Variants in NRXN3 observed in about 807,000 individuals in gnomAD.
NRXN3 encodes neurexin III.
Under a neutral mutation model 137.6 loss-of-function variants are expected in NRXN3, and 32 were observed. The observed-to-expected ratio is 0.23, with a 90% CI of 0.18 to 0.31. The LOEUF (loss-of-function observed/expected upper bound fraction) is 0.31, where lower values mean the gene tolerates loss of function less well. Among genes scored for constraint, NRXN3 ranks in the 10% least tolerant of loss-of-function variants. The pLI is 1.00. For missense variants in NRXN3, 1,574 were observed against 2,062.5 expected (o/e 0.76, Z 4.59); for synonymous variants, 798 against 784.5 (o/e 1.02, Z -0.29).
chr14:79,341,452 G>T (rs145793763), intron 15 of NRXN3, among the ~76,000 whole-genome samples: 1 of 152,166 alleles, frequency 6.6e-6, no homozygotes, highest in Non-Finnish European at 1.5e-5. Flanking sequence ...CAGCTTGTTA[G>T]AAATGCAGAG....
intron 15 of NRXN3, among the ~76,000 whole-genome samples, chr14:79,345,968 A>G (rs972686703): frequency 7.2e-5 from 11 of 152,188 alleles, no homozygotes; most frequent in African/African-American, 2.2e-4. Flanking sequence ...TCCAAAATAA[A>G]TCTCAGGTCT....
intron 15 of NRXN3, among the ~76,000 whole-genome samples, chr14:79,323,085 G>A (rs1170430158): frequency 6.6e-6 from 1 of 152,200 alleles, no homozygotes; most frequent in Non-Finnish European, 1.5e-5. Context: ...CCCTGCCAGA[G>A]GGCAGTGGCG....
chr14:79,609,406 T>G (rs2098069820), intron 16 of NRXN3, among the ~76,000 whole-genome samples: 1 of 152,206 alleles, frequency 6.6e-6, no homozygotes. Flanking sequence ...TGGAGTCTGT[T>G]GAGTAGAAGT....
intron 15 of NRXN3, among the ~76,000 whole-genome samples, chr14:79,296,228 G>A (rs2084084295): frequency 6.6e-6 from 1 of 152,094 alleles, no homozygotes. Context: ...AAAAAATAGA[G>A]TGAGTGGGCT....
chr14:79,535,675 A>G (rs940475172), intron 16 of NRXN3, among the ~76,000 whole-genome samples: 1 of 152,148 alleles, frequency 6.6e-6, no homozygotes, highest in Non-Finnish European at 1.5e-5. Context: ...CAGAGCAATC[A>G]TGTGGTGAAA....
chr14:79,139,572 T>C (rs577692622), intron 15 of NRXN3, among the ~76,000 whole-genome samples: 71 of 152,156 alleles, frequency 4.7e-4, no homozygotes, highest in Non-Finnish European at 7.9e-4. Flanking sequence ...AATGAATATC[T>C]AGAAAACATC....
intron 6 of NRXN3, among the ~76,000 whole-genome samples, chr14:78,687,892 C>T (rs1056766116): frequency 1.3e-5 from 2 of 152,208 alleles, no homozygotes; most frequent in Admixed American, 1.3e-4. Context: ...AGACAAAGGA[C>T]TAGAGCCTAC....
intron 15 of NRXN3, among the ~76,000 whole-genome samples, chr14:79,252,557 G>C (rs2076074921): frequency 6.7e-6 from 1 of 150,278 alleles, no homozygotes; most frequent in South Asian, 2.2e-4. Context: ...TGTTAAAAGA[G>C]AGGATGTTTG....
chr14:78,938,848 C>CTTTTTCT (rs1292820804), intron 10 of NRXN3, among the ~76,000 whole-genome samples: 2 of 132,038 alleles, frequency 1.5e-5, no homozygotes, highest in African/African-American at 2.8e-5. Flanking sequence ...AGTGATTTTT[C>CTTTTTCT]TTTTTTTTTT....
At chr14:79,087,927 T>C (rs2048426086) in intron 15 of NRXN3, among the ~76,000 whole-genome samples, 1 of 152,112 alleles carries the variant, frequency 6.6e-6, no homozygotes, top group Non-Finnish European at 1.5e-5. Flanking sequence ...CGCCTGCTTG[T>C]TTGGGAAATA....
intron 2 of NRXN3, among the ~76,000 whole-genome samples, chr14:78,278,039 T>C (rs2073860044): frequency 6.6e-6 from 1 of 152,230 alleles, no homozygotes; most frequent in Non-Finnish European, 1.5e-5. Context: ...CACTGCTGTC[T>C]GTGATGAAGC....
chr14:79,124,731 T>C (rs1479207919), intron 15 of NRXN3, among the ~76,000 whole-genome samples: 1 of 152,166 alleles, frequency 6.6e-6, no homozygotes, highest in Non-Finnish European at 1.5e-5. Flanking sequence ...CAAGGAGAAA[T>C]ATAAGTAATA....
intron 4 of NRXN3, among the ~76,000 whole-genome samples, chr14:78,419,497 G>A (rs2093328594): frequency 6.6e-6 from 1 of 152,110 alleles, no homozygotes; most frequent in African/African-American, 2.4e-5. Flanking sequence ...GAGCCACCAT[G>A]CCTGGCCATA....
intron 1 of NRXN3, among the ~76,000 whole-genome samples, chr14:78,179,599 CT>C (rs1297309435): frequency 2.0e-5 from 3 of 152,102 alleles, no homozygotes; most frequent in Non-Finnish European, 4.4e-5. Flanking sequence ...GCCTCTTCCC[CT>C]GGCTCCAAAT....
chr14:79,743,483 C>G (rs2098969524), intron 19 of NRXN3, among the ~76,000 whole-genome samples: 1 of 152,156 alleles, frequency 6.6e-6, no homozygotes, highest in African/African-American at 2.4e-5. Flanking sequence ...TCCTTACACA[C>G]AAACTTGGGC....
chr14:79,071,153 G>A (rs560068695), intron 15 of NRXN3, among the ~76,000 whole-genome samples: 7 of 152,068 alleles, frequency 4.6e-5, no homozygotes, highest in East Asian at 1.9e-4. Context: ...GTAGCCTCTC[G>A]GTTGTGCTAT....
At chr14:79,128,865 G>C (rs1596286276) in intron 15 of NRXN3, among the ~76,000 whole-genome samples, 1 of 151,600 alleles carries the variant, frequency 6.6e-6, no homozygotes, top group Non-Finnish European at 1.5e-5. Context: ...TCCTGTTATT[G>C]GTCTATTCAG....
At chr14:79,070,918 T>C (rs1267970205) in intron 15 of NRXN3, among the ~76,000 whole-genome samples, 1 of 152,120 alleles carries the variant, frequency 6.6e-6, no homozygotes, top group Non-Finnish European at 1.5e-5. Context: ...GGAGCAAACA[T>C]GTAGTTTGGG....
At chr14:78,853,232 A>G (rs900886787) in intron 10 of NRXN3, among the ~76,000 whole-genome samples, 5 of 152,092 alleles carry the variant, frequency 3.3e-5, no homozygotes, top group African/African-American at 1.2e-4. Context: ...CCTACCCCAC[A>G]ACAGGCCCCG....
Sources: allele counts gnomAD v4.1 joint callset (sites outside exome capture counted in the v4.1 genomes callset), GRCh38; gene constraint gnomAD v4.1.1; transcripts MANE v1.5; gene names NCBI Gene and HGNC (gene_info 2026-07-23, HGNC 2026-07-21).